ZNF717: variants seen among roughly 807,000 people sequenced by gnomAD.
ZNF717 encodes krueppel-like factor X17.
ZNF717 carries 9 observed loss-of-function variants against 13.8 expected under a neutral mutation model. The ratio of observed to expected loss-of-function variants is 0.65; its 90% CI spans 0.39 to 1.14. The LOEUF is 1.14. ZNF717 is among the 50% of genes most tolerant of loss of function. ZNF717 has a pLI of 0.01. For missense variants in ZNF717, 1,040 were observed against 1,080.7 expected (o/e 0.96, Z 0.53); for synonymous variants, 327 against 364.1 (o/e 0.90, Z 1.16).
chr3:75,725,980 C>T (rs113846443), downstream of ZNF717, among the ~76,000 whole-genome samples: 21 of 152,336 alleles, frequency 1.4e-4, no homozygotes, highest in African/African-American at 4.8e-4. Flanking sequence ...TTCTCAAGAC[C>T]TTGACATTCT....
At chr3:75,764,711 T>C (rs1943292186) in intron 2 of ZNF717, among the ~76,000 whole-genome samples, 1 of 151,932 alleles carries the variant, frequency 6.6e-6, no homozygotes, top group East Asian at 1.9e-4. Flanking sequence ...GAAATGCAAA[T>C]AGAAACCACA....
chr3:75,738,324 G>C lies in ZNF717; in HGVS notation c.1299C>G (p.Ser433Arg). ...YACDHCEEAF[S>R]HKSRLTVHQR... ...GATGGACAGTAAGCCTTGACTTATG[G>C]CTAAATGCTTCTTCACAATGGTCAC... The change falls in exon 5 of 5, where the codon AGC (serine) becomes AGG (arginine). Residue 433 changes from serine (S) to arginine (R), a missense_variant. Transcript: ENST00000652011. The C allele has an allele frequency of 6.5e-7, 1 of 1,539,556 alleles. No homozygotes were observed. The highest frequency in any genetic ancestry group is 8.8e-7 in the Non-Finnish European group (1 of 1,138,086).
chr3:75,743,532 A>G (rs1940740712), intron 2 of ZNF717, among the ~76,000 whole-genome samples: 1 of 152,246 alleles, frequency 6.6e-6, no homozygotes, highest in African/African-American at 2.4e-5. Context: ...GAGGTCCAGT[A>G]AGGACAGAAA....
downstream of ZNF717, among the ~76,000 whole-genome samples, chr3:75,735,634 A>AT (rs1490570049): frequency 8.2e-6 from 1 of 122,646 alleles, no homozygotes; most frequent in Admixed American, 8.9e-5. Flanking sequence ...GACTGTCTCA[A>AT]TAAAAAAAAA....
At chr3:75,734,811 ATATATATTTTTTT>A (rs1467050373), downstream of ZNF717, among the ~76,000 whole-genome samples, 144 of 19,206 alleles carry the variant, frequency 7.5e-3, no homozygotes, top group African/African-American at 0.024. Flanking sequence ...ATATATATAT[ATATATATTTTTTT>A]TTTTTTTTTT....
intron 2 of ZNF717, among the ~76,000 whole-genome samples, chr3:75,749,168 G>T (rs72503556): frequency 4.1e-5 from 6 of 147,752 alleles, no homozygotes; most frequent in Non-Finnish European, 8.9e-5. Flanking sequence ...TTTGTCCCCC[G>T]CATAGGATTC....
At chr3:75,750,714 G>C (rs113239391) in intron 2 of ZNF717, among the ~76,000 whole-genome samples, 3,499 of 151,732 alleles carry the variant, frequency 0.023, 180 homozygotes, top group African/African-American at 0.079. Flanking sequence ...TAGGACTCCA[G>C]AACACTCCTA....
At chr3:75,780,347 T>G (rs969936157) in intron 2 of ZNF717, among the ~76,000 whole-genome samples, 2 of 152,256 alleles carry the variant, frequency 1.3e-5, no homozygotes, top group African/African-American at 2.4e-5. Flanking sequence ...CTAACAGTAG[T>G]GCTAAGGCCC....
At position 75,738,764 on chromosome 3, in the gene ZNF717, C is replaced by T. The variant is rs1160645488; in HGVS notation, c.859G>A (p.Glu287Lys). The T allele has an allele frequency of 6.4e-7, 1 of 1,552,908 alleles. No homozygotes were observed. Among genetic ancestry groups the T allele is most frequent in the Non-Finnish European group, 8.7e-7 (1 of 1,147,846 alleles). The change falls in exon 5 of 5, where the codon GAA (glutamate) becomes AAA (lysine). Residue 287 changes from glutamate to lysine, a missense_variant. Physicochemically the swap from Glu to Lys is moderately conservative, Grantham distance 56. Coordinates refer to ENST00000652011, the MANE Select transcript of ZNF717 (RefSeq NM_001290208.3). Reference protein sequence around the residue: ...HTGEKPYECVECEKPSISKSD... With the variant: ...HTGEKPYECVKCEKPSISKSD... Reference sequence around the variant, plus strand: ...TTGCTAATGGAGGGTTTCTCACATTCAACACATTCATAGGGTTTCTCTCCT... The same window carrying T: ...TTGCTAATGGAGGGTTTCTCACATTTAACACATTCATAGGGTTTCTCTCCT...
At chr3:75,749,211 C>T (rs2107341085) in intron 2 of ZNF717, among the ~76,000 whole-genome samples, 1 of 152,144 alleles carries the variant, frequency 6.6e-6, no homozygotes, top group South Asian at 2.1e-4. Flanking sequence ...GAATGTTTGT[C>T]CCTCACATAG....
intron 2 of ZNF717, among the ~76,000 whole-genome samples, chr3:75,782,085 T>C (rs1944866319): frequency 1.3e-5 from 2 of 152,142 alleles, no homozygotes; most frequent in Non-Finnish European, 2.9e-5. Flanking sequence ...CGTCTCAAAG[T>C]GTGGCGTTTC....
downstream of ZNF717, among the ~76,000 whole-genome samples, chr3:75,730,892 C>T (rs113149569): frequency 0.12 from 10,997 of 90,090 alleles, no homozygotes; most frequent in Middle Eastern, 0.18. Flanking sequence ...TCCACATAGG[C>T]ATTAAGAAGA....
intron 4 of ZNF717, among the ~76,000 whole-genome samples, chr3:75,724,295 CTT>C (rs1327892173): frequency 6.6e-6 from 1 of 152,118 alleles, no homozygotes; most frequent in Admixed American, 6.6e-5. Context: ...TCCTCTATCT[CTT>C]TGTCTTGTGT....
downstream of ZNF717, among the ~76,000 whole-genome samples, chr3:75,734,813 ATATATTTTTTTTT>A (rs1337937041): frequency 2.0e-3 from 118 of 60,046 alleles, no homozygotes; most frequent in African/African-American, 9.1e-3. Flanking sequence ...ATATATATAT[ATATATTTTTTTTT>A]TTTTTTTTTT....
At chr3:75,732,611 G>A (rs1165068659), downstream of ZNF717, among the ~76,000 whole-genome samples, 4 of 152,172 alleles carry the variant, frequency 2.6e-5, no homozygotes, top group South Asian at 8.3e-4. Context: ...CCATCTACGA[G>A]GAATGGGTCT....
At position 75,785,333 on chromosome 3, in the gene ZNF717, C is replaced by A. The variant is rs545287184; in HGVS notation, c.-3+51G>T. 19 of 153,232 alleles carry A rather than the reference C, an allele frequency of 1.2e-4. No individual in the cohort carries two copies. The South Asian group carries it at 3.7e-3, about 30-fold the overall frequency. 9.5% of individuals were successfully genotyped at this position (153,232 alleles called of 1,614,324 possible). ...GCGCCTCTAGAACCCGCTTCACTGC[C>A]GGGACCCCACGCCTGTCCTCCCAGC... is the stretch of plus-strand genomic sequence containing the variant. On this transcript the variant is annotated intron_variant, in intron 1 of 4. Coordinates refer to ENST00000652011, the MANE Select transcript of ZNF717 (RefSeq NM_001290208.3).
At chr3:75,748,550 A>AT (rs1211946124) in intron 2 of ZNF717, among the ~76,000 whole-genome samples, 23 of 152,202 alleles carry the variant, frequency 1.5e-4, no homozygotes, top group African/African-American at 5.1e-4. Flanking sequence ...GCAAATCAAT[A>AT]AATGTAATCC....
At chr3:75,765,747 C>T (rs1335702609) in intron 2 of ZNF717, among the ~76,000 whole-genome samples, 4 of 152,070 alleles carry the variant, frequency 2.6e-5, no homozygotes, top group Non-Finnish European at 4.4e-5. Context: ...AAAGATTAAC[C>T]GAACTGGAAT....
intron 5 of ZNF717, chr3:75,716,399 T>TC (rs1938053693): frequency 6.6e-6 from 1 of 152,148 alleles, no homozygotes; most frequent in Non-Finnish European, 1.5e-5. Flanking sequence ...ACACTGATCT[T>TC]TATTCCAGAA....
Sources: allele counts gnomAD v4.1 joint callset (sites outside exome capture counted in the v4.1 genomes callset), GRCh38; gene constraint gnomAD v4.1.1; transcripts MANE v1.5; gene names NCBI Gene and HGNC (gene_info 2026-07-23, HGNC 2026-07-21).